RPS10: variants seen among roughly 807,000 people sequenced by gnomAD.
The protein encoded by RPS10 is ribosomal protein S10.
RPS10 carries 2 observed loss-of-function variants against 22.6 expected under a neutral mutation model. That is an observed-to-expected ratio of 0.09 (90% confidence interval 0.04 to 0.28). RPS10 has a LOEUF of 0.28. RPS10 is among the 10% of genes least tolerant of loss of function. The pLI, the probability that RPS10 is intolerant of heterozygous loss-of-function variation, is 1.00. For synonymous variants in RPS10, 70 were observed against 75.9 expected (o/e 0.92, Z 0.40); for missense variants, 137 against 222.2 (o/e 0.62, Z 2.44).
intron 3 of RPS10, 115 bp from the exon 4 acceptor site, chr6:34,421,922 A>T: frequency 1.0e-6 from 1 of 997,452 alleles, no homozygotes; most frequent in Non-Finnish European, 1.6e-6. Flanking sequence ...CTTGGTTAAG[A>T]TGGGTTAATG....
intron 4 of RPS10, among the ~76,000 whole-genome samples, chr6:34,418,825 G>A (rs113489428): frequency 3.9e-5 from 6 of 152,202 alleles, no homozygotes; most frequent in African/African-American, 1.2e-4. Context: ...ATGCTGCCCG[G>A]TCCTATATCC....
rs142089082 is a variant in RPS10, at chr6:34,418,041, A to G, written c.456+328T>C. ...ACCTACCTAACATTACATCAACTGA[A>G]AAAAGATGGAGGATTTGATTTCATA... On this transcript the variant is annotated intron_variant, in intron 5 of 5. Transcript: ENST00000648437. 392 of 782,872 alleles carry G rather than the reference A, an allele frequency of 5.0e-4. 3 individuals carry two copies. In the African/African-American group the frequency reaches 6.0e-3, roughly 12 times the overall value. The allele number at this position is 782,872 out of a possible 1,614,324, so 48.5% of individuals were successfully genotyped here.
In RPS10 at chr6:34,424,658, G is replaced by A; in HGVS notation, c.322+11C>T. The A allele has an allele frequency of 6.2e-7, 1 of 1,614,004 alleles. No homozygotes were observed. Among genetic ancestry groups the A allele is most frequent in the Non-Finnish European group, 8.5e-7 (1 of 1,179,934 alleles). On this transcript the variant is annotated intron_variant, in intron 3 of 5. Transcript: ENST00000648437. The stretch of plus-strand genomic sequence containing the variant: ...TTCAAATAGCTGAAGGGATTTGTGT[G>A]GGAACCATACCTTTAGGCCGAGGCC...
intron 3 of RPS10, chr6:34,424,156 A>AAAAAAAAAAAAAAAAAAAAAC (rs1765868805): frequency 6.6e-6 from 1 of 150,620 alleles, no homozygotes; most frequent in African/African-American, 2.5e-5. Context: ...AAAAAAAAAA[A>AAAAAAAAAAAAAAAAAAAAAC]AAAAAAAAGC....
intron 4 of RPS10, among the ~76,000 whole-genome samples, chr6:34,420,890 C>T (rs1581926053): frequency 6.6e-6 from 1 of 151,462 alleles, no homozygotes; most frequent in Non-Finnish European, 1.5e-5. Context: ...CGCCTGTAGT[C>T]CCAGCTACTC....
rs1317993458 is a variant in RPS10, at chr6:34,417,484, T to C, written c.*22A>G. ...GTTTTTTGGCTGTAAGTTTATTCAATGCAAAAGAATCCTCTCCAATTTTAC... is the reference window on the plus strand; with the variant it reads ...GTTTTTTGGCTGTAAGTTTATTCAACGCAAAAGAATCCTCTCCAATTTTAC... On this transcript the variant is annotated 3_prime_UTR_variant, in exon 6 of 6. Transcript: ENST00000648437. 2 of 1,607,364 alleles carry C rather than the reference T, an allele frequency of 1.2e-6. No homozygotes were observed. The highest frequency in any genetic ancestry group is 1.7e-6 in the Non-Finnish European group (2 of 1,175,654).
intron 4 of RPS10, among the ~76,000 whole-genome samples, chr6:34,421,385 TG>T (rs1213262508): frequency 1.3e-5 from 2 of 151,906 alleles, no homozygotes; most frequent in African/African-American, 4.8e-5. Flanking sequence ...GGTTTCGTCA[TG>T]TTGGCCAGGC....
intron 5 of RPS10, chr6:34,417,937 G>A (rs1193932551): frequency 4.2e-6 from 3 of 717,988 alleles, no homozygotes; most frequent in Admixed American, 2.0e-5. Context: ...ACTATGCCTG[G>A]ATTAACTAAT....
intron 4 of RPS10, among the ~76,000 whole-genome samples, chr6:34,420,183 G>A (rs1765714966): frequency 6.6e-6 from 1 of 152,112 alleles, no homozygotes; most frequent in Non-Finnish European, 1.5e-5. Context: ...ATAGGGGGAG[G>A]AAAGCAAATG....
chr6:34,424,360 C>T lies in RPS10; in HGVS notation c.322+309G>A, dbSNP rs115866667. On this transcript the variant is annotated intron_variant, in intron 3 of 5. Transcript: ENST00000648437. Reference sequence around the variant, plus strand: ...GTAAATGGCTTTGCTTTGGACTTCTCGGGAATAGTACAACGCACTCTGCGG... The same window carrying T: ...GTAAATGGCTTTGCTTTGGACTTCTTGGGAATAGTACAACGCACTCTGCGG... 1,970 of 370,468 alleles carry T rather than the reference C, an allele frequency of 5.3e-3. 16 individuals are homozygous for T. The highest frequency in any genetic ancestry group is 0.026 in the African/African-American group (1,246 of 48,330). 22.9% of individuals were successfully genotyped at this position (370,468 alleles called of 1,614,324 possible).
chr6:34,417,875 G>C, intron 5 of RPS10: 1 of 718,056 alleles, frequency 1.4e-6, no homozygotes, highest in South Asian at 1.5e-5. Flanking sequence ...CATTATCTGA[G>C]AGCAATCGTG....
intron 1 of RPS10, chr6:34,425,642 C>A (rs1010314023): frequency 7.4e-6 from 2 of 270,024 alleles, no homozygotes; most frequent in Non-Finnish European, 1.5e-5. Flanking sequence ...AGGCGGCAGA[C>A]CCCAAACCAA....
chr6:34,419,261 A>G (rs941632471), intron 4 of RPS10, among the ~76,000 whole-genome samples: 1 of 151,938 alleles, frequency 6.6e-6, no homozygotes, highest in Non-Finnish European at 1.5e-5. Flanking sequence ...CCCAACCTCA[A>G]GTGATCCGCC....
At position 34,419,553 on chromosome 6, in the gene RPS10, T is replaced by A. The variant is rs76662213; in HGVS notation, c.401-1129A>T. Among the ~76,000 whole-genome samples the A allele has an allele frequency of 3.9e-3, 583 of 148,614 alleles. 9 individuals are homozygous for A. The highest frequency in any genetic ancestry group is 0.014 in the African/African-American group (557 of 40,288). The stretch of plus-strand genomic sequence containing the variant: ...TAAATTAACACGTTTAGATATTTTT[T>A]AAACCGATTTATTTGTATTTATTTA... On this transcript the variant is annotated intron_variant, in intron 4 of 5. Coordinates refer to ENST00000648437, the MANE Select transcript of RPS10 (RefSeq NM_001014.5).
chr6:34,422,712 G>T (rs1389575590), intron 3 of RPS10, among the ~76,000 whole-genome samples: 1 of 151,800 alleles, frequency 6.6e-6, no homozygotes, highest in Non-Finnish European at 1.5e-5. Flanking sequence ...TCCCGCCTTG[G>T]CCTCCCAAAG....
At chr6:34,417,732 C>A in intron 5 of RPS10, 185 bp from the exon 6 acceptor site, 1 of 726,634 alleles carries the variant, frequency 1.4e-6, no homozygotes, top group Non-Finnish European at 2.5e-6. Flanking sequence ...TATCTAACAT[C>A]TAGGCCCATT....
At position 34,417,568 on chromosome 6, in the gene RPS10, C is replaced by A. The variant is rs1189826130; in HGVS notation, c.457-21G>T. The A allele has an allele frequency of 3.1e-6, 5 of 1,613,538 alleles. No homozygotes were observed. In the Admixed American group the frequency reaches 8.3e-5, roughly 27 times the overall value. ...CCTCTCTGTAAGAGAAAGCACATCA[C>A]ATCAGCATGAGCGGCACTCTGGTTT... On this transcript the variant is annotated intron_variant, in intron 5 of 5. Coordinates refer to ENST00000648437, the MANE Select transcript of RPS10 (RefSeq NM_001014.5).
chr6:34,425,502 G>A, intron 1 of RPS10: 2 of 409,642 alleles, frequency 4.9e-6, no homozygotes, highest in South Asian at 2.1e-5. Context: ...TCAATGGGGG[G>A]GAGAGGAGCA....
At chr6:34,424,907 G>C (rs984985401) in intron 2 of RPS10, 67 bp from the exon 3 acceptor site, 20 of 1,610,576 alleles carry the variant, frequency 1.2e-5, no homozygotes, top group Non-Finnish European at 1.6e-5. Context: ...CAAGTCTCCA[G>C]TCCCAGCCAG....
Sources: allele counts gnomAD v4.1 joint callset (sites outside exome capture counted in the v4.1 genomes callset), GRCh38; gene constraint gnomAD v4.1.1; transcripts MANE v1.5; gene names NCBI Gene and HGNC (gene_info 2026-07-23, HGNC 2026-07-21).